EP400: variants seen among roughly 807,000 people sequenced by gnomAD.
The protein encoded by EP400 is E1A binding protein p400.
Under a neutral mutation model 354.1 loss-of-function variants are expected in EP400, and 105 were observed. The observed-to-expected ratio is 0.30, with a 90% CI of 0.25 to 0.35. EP400 has a LOEUF of 0.35. EP400 is among the 10% of genes least tolerant of loss of function. The pLI, the probability that EP400 is intolerant of heterozygous loss-of-function variation, is 1.00. For missense variants in EP400, 3,280 were observed against 4,121.0 expected (o/e 0.80, Z 5.59); for synonymous variants, 1,646 against 1,716.9 (o/e 0.96, Z 1.02).
At chr12:132,073,265 A>G (rs1247985222) in intron 51 of EP400, among the ~76,000 whole-genome samples, 1 of 140,064 alleles carries the variant, frequency 7.1e-6, no homozygotes, top group Non-Finnish European at 1.5e-5. Flanking sequence ...CCCCTCTGCC[A>G]GTGAAAAATT....
Position 132,032,196 on chromosome 12 carries a change from A to G in EP400, c.5951+47A>G. The G allele has an allele frequency of 5.1e-6, 8 of 1,574,490 alleles. No individual in the cohort carries two copies. The South Asian group carries it at 8.2e-5, about 16-fold the overall frequency. On this transcript the variant is annotated intron_variant, in intron 30 of 52. Transcript: ENST00000389561. ...GATCAGGAGATGCAAAGACATCCAC[A>G]TATACAGGTGAGGGCCTGCGGGGAT...
At chr12:131,963,504 C>CT in intron 2 of EP400, 4 of 1,547,412 alleles carry the variant, frequency 2.6e-6, no homozygotes, top group Non-Finnish European at 3.5e-6. Context: ...ATTATGTTGC[C>CT]TTTTTTTCTC....
Position 132,013,866 on chromosome 12 carries a change from T to A in EP400, c.3876T>A (p.Leu1292=). The A allele has an allele frequency of 6.2e-7, 1 of 1,614,256 alleles. No homozygotes were observed. The highest frequency in any genetic ancestry group is 8.5e-7 in the Non-Finnish European group (1 of 1,180,048). Residue 1292 remains leucine (L), a synonymous_variant, in exon 19 of 53, where the codon CTT becomes CTA. Transcript: ENST00000389561. The surrounding 1 kb of genome is among the most constrained non-coding windows in gnomAD (Gnocchi z 4.5). ...KKYEHVLKCR[L]SNRQKALYED... is the part of the protein sequence containing the mutation. Reference sequence around the variant, plus strand: ...ATGAGCATGTTTTGAAGTGTCGCCTTTCTAACCGACAAAAAGCCTTATACG... The same window carrying A: ...ATGAGCATGTTTTGAAGTGTCGCCTATCTAACCGACAAAAAGCCTTATACG...
Position 132,043,413 on chromosome 12 carries a change from G to A in EP400, c.6317G>A (p.Cys2106Tyr). The A allele has an allele frequency of 1.2e-6, 2 of 1,613,608 alleles. No homozygotes were observed. The highest frequency in any genetic ancestry group is 1.7e-6 in the Non-Finnish European group (2 of 1,180,030). Residue 2106 changes from cysteine to tyrosine, a missense_variant, in exon 33 of 53, where the codon TGT (cysteine) becomes TAT (tyrosine). Physicochemically the swap from Cys to Tyr is radical, Grantham distance 194. Around this residue, in one of 20 missense-constraint regions of EP400, gnomAD observed 54 missense variants for 41.3 expected, o/e 1.31. Transcript: ENST00000389561. ...TCATCAGACTCTGAGAACATGCCGTGTGATGAAGAACCATCCCAATTAGAG... is the reference window on the plus strand; with the variant it reads ...TCATCAGACTCTGAGAACATGCCGTATGATGAAGAACCATCCCAATTAGAG... ...ALSSDSENMP[C>Y]DEEPSQLEEL...
In EP400 at chr12:132,038,181, C is replaced by T. The variant is rs2136567970; in HGVS notation, c.6207+85C>T. The stretch of plus-strand genomic sequence containing the variant: ...ACCCTCCCCCAGGGTTCTGGGTGCT[C>T]AGTCCCCACTCTTCCCTGGCCTGAA... On this transcript the variant is annotated intron_variant, in intron 32 of 52. Transcript: ENST00000389561. The surrounding 1 kb of genome is among the most constrained non-coding windows in gnomAD (Gnocchi z 4.2). 2 of 1,547,432 alleles carry T rather than the reference C, an allele frequency of 1.3e-6. No individual in the cohort carries two copies. The highest frequency in any genetic ancestry group is 2.4e-5 in the South Asian group (2 of 84,090).
intron 5 of EP400, among the ~76,000 whole-genome samples, chr12:131,983,616 TC>T (rs1892754902): frequency 6.6e-6 from 1 of 152,238 alleles, no homozygotes; most frequent in Non-Finnish European, 1.5e-5. Context: ...CAGAGAGTCT[TC>T]CCTTCCTTTT....
chr12:132,056,242 G>A (rs750684294), intron 45 of EP400, among the ~76,000 whole-genome samples: 2 of 152,122 alleles, frequency 1.3e-5, no homozygotes, highest in African/African-American at 2.4e-5. Flanking sequence ...GAGAAGAAAC[G>A]ATGCTTCAAA....
In EP400 at chr12:132,077,928, C is replaced by T. The variant is rs1896286748; in HGVS notation, c.*255C>T. 3.9e-6 allele frequency: 2 copies of T among 517,744 alleles called. 1 individual carries two copies. The highest frequency in any genetic ancestry group is 6.8e-6 in the Non-Finnish European group (2 of 293,556). 32.1% of individuals were successfully genotyped at this position (517,744 alleles called of 1,614,324 possible). A position where few individuals can be genotyped will look rare whatever the true frequency, so the allele number is the denominator to read the frequency against. ...ACATGGCTTCCTCTAAATCATTTCACCTTTCAGTCCCCACCCGCACCCGTC... is the reference window on the plus strand; with the variant it reads ...ACATGGCTTCCTCTAAATCATTTCATCTTTCAGTCCCCACCCGCACCCGTC... On this transcript the variant is annotated 3_prime_UTR_variant, in exon 53 of 53. Transcript: ENST00000389561.
In EP400 at chr12:132,080,357, G is replaced by A. The variant is rs1362195004; in HGVS notation, c.*2684G>A. 1 of 152,576 alleles carries A rather than the reference G, an allele frequency of 6.6e-6. No individual in the cohort carries two copies. The highest frequency in any genetic ancestry group is 1.9e-4 in the East Asian group (1 of 5,196). 9.5% of individuals were successfully genotyped at this position (152,576 alleles called of 1,614,324 possible). ...GATAGAAAGGAACAAGACTAAAATT[G>A]TAAATACTTTGTAAACATCAGCATT... is the stretch of plus-strand genomic sequence containing the variant. On this transcript the variant is annotated 3_prime_UTR_variant, in exon 53 of 53. Transcript: ENST00000389561.
chr12:132,044,289 C>G lies in EP400; in HGVS notation c.6563C>G (p.Thr2188Arg). The change falls in exon 35 of 53, where the codon ACG (threonine) becomes AGG (arginine). Residue 2188 changes from threonine to arginine, a missense_variant. Physicochemically the swap from Thr to Arg is moderately conservative, Grantham distance 71. This residue lies in a region of EP400 where 231 missense variants were observed against 257.9 expected (regional missense o/e 0.90). Coordinates refer to ENST00000389561, the MANE Select transcript of EP400 (RefSeq NM_015409.5). Reference protein sequence around the residue: ...EQEEAELLTYTREDAYSMEYV... With the variant: ...EQEEAELLTYRREDAYSMEYV... ...GAGGAGGCGGAGCTCCTGACCTACACGCGAGAGGATGCCTACAGCATGGTA... is the reference window on the plus strand; with the variant it reads ...GAGGAGGCGGAGCTCCTGACCTACAGGCGAGAGGATGCCTACAGCATGGTA... The G allele has an allele frequency of 6.2e-7, 1 of 1,613,930 alleles. No homozygotes were observed. Among genetic ancestry groups the G allele is most frequent in the Non-Finnish European group, 8.5e-7 (1 of 1,179,980 alleles).
At chr12:132,068,007 C>G (rs1332952626) in intron 50 of EP400, 1 of 154,472 alleles carries the variant, frequency 6.5e-6, no homozygotes, top group Non-Finnish European at 1.4e-5. Context: ...CCAAGGGCGT[C>G]TACAGTCTCA....
intron 3 of EP400, among the ~76,000 whole-genome samples, chr12:131,980,246 A>G (rs949587883): frequency 6.6e-6 from 1 of 152,188 alleles, no homozygotes; most frequent in Admixed American, 6.5e-5. Context: ...TGTTTCCCAT[A>G]TTCTCTCTCA....
At chr12:131,973,815 T>G (rs1892377884) in intron 2 of EP400, among the ~76,000 whole-genome samples, 1 of 152,174 alleles carries the variant, frequency 6.6e-6, no homozygotes, top group South Asian at 2.1e-4. Flanking sequence ...TGAGTGCAGC[T>G]ATAGTATAAA....
chr12:132,076,489 T>C (rs1383578659), intron 51 of EP400, 27 bp from the exon 52 acceptor site: 1 of 1,612,624 alleles, frequency 6.2e-7, no homozygotes, highest in African/African-American at 1.3e-5. Context: ...TTGAATTGTA[T>C]GTTTGGCTTT....
intron 7 of EP400, among the ~76,000 whole-genome samples, chr12:131,989,369 C>A (rs1313047289): frequency 6.6e-6 from 1 of 152,194 alleles, no homozygotes; most frequent in African/African-American, 2.4e-5. Context: ...AGTGGGAACA[C>A]GGCGTGTGCG....
At chr12:132,064,591 G>A (rs1381376718) in intron 47 of EP400, 77 bp from the exon 48 acceptor site, 1 of 1,546,248 alleles carries the variant, frequency 6.5e-7, no homozygotes, top group Non-Finnish European at 8.7e-7. Context: ...GTAGAGGGGT[G>A]GCTTAGGAAC....
Position 131,990,564 on chromosome 12 carries a change from T to C in EP400, c.2551-72T>C, listed in dbSNP as rs1892999899. On this transcript the variant is annotated intron_variant, in intron 8 of 52. Coordinates refer to ENST00000389561, the MANE Select transcript of EP400 (RefSeq NM_015409.5). The surrounding 1 kb of genome is among the most constrained non-coding windows in gnomAD (Gnocchi z 4.2). Reference sequence around the variant, plus strand: ...TTCAGACTCTGCTTATGTGCTTTAGTGTTTTGTATGCAGAACGTCTGTAAT... The same window carrying C: ...TTCAGACTCTGCTTATGTGCTTTAGCGTTTTGTATGCAGAACGTCTGTAAT... 8.8e-7 allele frequency: 1 copy of C among 1,131,304 alleles called. No homozygotes were observed. Among genetic ancestry groups the C allele is most frequent in the Non-Finnish European group, 1.3e-6 (1 of 771,036 alleles). The allele number at this position is 1,131,304 out of a possible 1,614,324, so 70.1% of individuals were successfully genotyped here.
At position 132,044,662 on chromosome 12, in the gene EP400, TC is replaced by T. The variant is rs772538208; in HGVS notation, c.6586-6del. 1 of 1,614,218 alleles carries T rather than the reference TC, an allele frequency of 6.2e-7. No individual in the cohort carries two copies. Among genetic ancestry groups the T allele is most frequent in the South Asian group, 1.1e-5 (1 of 91,082 alleles). On this transcript the variant is annotated splice_region_variant and splice_polypyrimidine_tract_variant and intron_variant, in intron 35 of 52. Transcript: ENST00000389561. ...TGGTGGAAGTCAGAGCTTGCCGTGT[TC>T]CCTACAGGAGTATGTCTACGAAGAT... is the stretch of plus-strand genomic sequence containing the variant.
chr12:132,068,377 T>C (rs1895964993), intron 50 of EP400: 1 of 152,344 alleles, frequency 6.6e-6, no homozygotes, highest in Non-Finnish European at 1.5e-5. Flanking sequence ...GAAAAGGACT[T>C]GCCCAGATCA....
Sources: allele counts gnomAD v4.1 joint callset (sites outside exome capture counted in the v4.1 genomes callset), GRCh38; gene constraint gnomAD v4.1.1; regional missense constraint gnomAD v4.1.1; non-coding constraint Gnocchi (gnomAD v3.1); transcripts MANE v1.5; gene names NCBI Gene and HGNC (gene_info 2026-07-23, HGNC 2026-07-21).